The following PTPRD variants were observed in gnomAD, a reference collection of about 807,000 sequenced individuals.
The protein encoded by PTPRD is protein tyrosine phosphatase receptor type D.
PTPRD carries 34 observed loss-of-function variants against 214.5 expected under a neutral mutation model. The observed-to-expected ratio is 0.16, with a 90% CI of 0.12 to 0.21. The LOEUF (loss-of-function observed/expected upper bound fraction) is 0.21. Ranked by LOEUF, PTPRD falls within the 10% of genes least tolerant of loss-of-function variation. The pLI is 1.00. For missense variants in PTPRD, 2,545 were observed against 2,398.7 expected (o/e 1.06, Z -1.27); for synonymous variants, 1,128 against 845.7 (o/e 1.33, Z -5.79).
At chr9:9,262,595 G>T (rs930509399) in intron 9 of PTPRD, among the ~76,000 whole-genome samples, 2 of 150,960 alleles carry the variant, frequency 1.3e-5, no homozygotes, top group African/African-American at 4.9e-5. Flanking sequence ...ATATAAATGA[G>T]TAAAAAAAAA....
intron 3 of PTPRD, among the ~76,000 whole-genome samples, chr9:10,156,800 T>C (rs577726431): frequency 4.6e-5 from 7 of 152,318 alleles, no homozygotes; most frequent in Non-Finnish European, 7.3e-5. Context: ...GAACTTGCTT[T>C]ATGAATCTGA....
intron 9 of PTPRD, among the ~76,000 whole-genome samples, chr9:9,188,910 G>A (rs552548313): frequency 6.6e-6 from 1 of 151,986 alleles, no homozygotes; most frequent in East Asian, 1.9e-4. Flanking sequence ...AAAGTGGAAA[G>A]AGTCTCTTTA....
intron 3 of PTPRD, among the ~76,000 whole-genome samples, chr9:10,315,139 C>G (rs569000955): frequency 2.6e-5 from 4 of 151,808 alleles, no homozygotes; most frequent in Admixed American, 6.6e-5. Flanking sequence ...AATTATGATT[C>G]ATTTTTTATA....
At chr9:9,081,448 C>T (rs1451810812) in intron 10 of PTPRD, among the ~76,000 whole-genome samples, 1 of 151,786 alleles carries the variant, frequency 6.6e-6, no homozygotes, top group Non-Finnish European at 1.5e-5. Flanking sequence ...GTGTGATGCA[C>T]TCCTGAGAAG....
At chr9:8,685,371 A>G (rs978662073) in intron 12 of PTPRD, among the ~76,000 whole-genome samples, 2 of 152,146 alleles carry the variant, frequency 1.3e-5, no homozygotes, top group African/African-American at 4.8e-5. Flanking sequence ...AAAAAAAATC[A>G]TTTTTGAAGG....
chr9:10,310,172 A>G (rs1035836097), intron 3 of PTPRD, among the ~76,000 whole-genome samples: 5 of 152,068 alleles, frequency 3.3e-5, no homozygotes, highest in Non-Finnish European at 5.9e-5. Flanking sequence ...AATAAAATCC[A>G]TGTCCAACTC....
At chr9:10,577,399 G>A (rs1222899361) in intron 2 of PTPRD, among the ~76,000 whole-genome samples, 2 of 152,166 alleles carry the variant, frequency 1.3e-5, no homozygotes, top group East Asian at 3.8e-4. Context: ...ACAGATTGAA[G>A]GCAAATTTCT....
intron 12 of PTPRD, among the ~76,000 whole-genome samples, chr9:8,723,096 C>A (rs373313648): frequency 5.3e-5 from 8 of 152,088 alleles, no homozygotes; most frequent in South Asian, 4.1e-4. Flanking sequence ...CTCTCCTATA[C>A]CTAGCCCAGC....
chr9:9,310,945 A>T (rs981808858), intron 9 of PTPRD, among the ~76,000 whole-genome samples: 3 of 148,584 alleles, frequency 2.0e-5, no homozygotes, highest in Non-Finnish European at 4.4e-5. Flanking sequence ...AAATAAATAA[A>T]TAAATAAATA....
chr9:9,193,197 G>C (rs1403449168), intron 9 of PTPRD, among the ~76,000 whole-genome samples: 2 of 152,028 alleles, frequency 1.3e-5, no homozygotes, highest in Admixed American at 6.6e-5. Context: ...TGCTAAATTA[G>C]AATCCACTGA....
In PTPRD at chr9:10,070,028, A is replaced by G. The variant is rs143932680; in HGVS notation, c.-544-36238T>C. ...CTTGGGGTGAAACCAAGACCTACTGATTCCAAATTTTTGGTGTGAAGCAGG... is the reference window on the plus strand; with the variant it reads ...CTTGGGGTGAAACCAAGACCTACTGGTTCCAAATTTTTGGTGTGAAGCAGG... On this transcript the variant is annotated intron_variant, in intron 3 of 45. Transcript: ENST00000381196. Among the ~76,000 whole-genome samples, 1,169 of 152,140 alleles carry G rather than the reference A, an allele frequency of 7.7e-3. 22 individuals carry two copies. The highest frequency in any genetic ancestry group is 0.026 in the African/African-American group (1,098 of 41,548).
chr9:10,168,616 G>T (rs961493852), intron 3 of PTPRD, among the ~76,000 whole-genome samples: 15 of 152,028 alleles, frequency 9.9e-5, no homozygotes, highest in African/African-American at 3.6e-4. Context: ...ATTTAAAAAA[G>T]AAAGAAAATG....
At chr9:9,859,083 A>G (rs1323794) in intron 5 of PTPRD, among the ~76,000 whole-genome samples, 116,523 of 151,954 alleles carry the variant, frequency 0.77, 46,532 homozygotes, top group East Asian at 0.94. Context: ...TTCTCAAAAA[A>G]GGGCTGATGA....
intron 2 of PTPRD, among the ~76,000 whole-genome samples, chr9:10,561,419 G>C (rs1219405724): frequency 6.6e-6 from 1 of 152,024 alleles, no homozygotes; most frequent in Non-Finnish European, 1.5e-5. Flanking sequence ...TGAATAATTT[G>C]TGTTATTTCT....
intron 2 of PTPRD, among the ~76,000 whole-genome samples, chr9:10,475,201 T>G (rs116038381): frequency 2.6e-5 from 4 of 151,932 alleles, no homozygotes; most frequent in Non-Finnish European, 5.9e-5. Context: ...CAGGAGCGGA[T>G]TTTTTTGAAA....
intron 5 of PTPRD, among the ~76,000 whole-genome samples, chr9:9,769,043 T>A (rs1275714268): frequency 6.6e-6 from 1 of 152,158 alleles, no homozygotes; most frequent in Admixed American, 6.5e-5. Context: ...TATTTACTAT[T>A]TAAGATTGGT....
At chr9:10,526,397 CAT>C (rs1233511948) in intron 2 of PTPRD, among the ~76,000 whole-genome samples, 1 of 151,908 alleles carries the variant, frequency 6.6e-6, no homozygotes. Context: ...TCTAAATAAA[CAT>C]GTTATAATTA....
intron 10 of PTPRD, among the ~76,000 whole-genome samples, chr9:9,139,951 G>T (rs7043302): frequency 0.14 from 21,182 of 151,950 alleles, 2,795 homozygotes; most frequent in African/African-American, 0.34. Flanking sequence ...TCCATGATTT[G>T]CATTCATTAC....
intron 33 of PTPRD, chr9:8,454,737 C>T (rs1223866752): frequency 6.0e-6 from 5 of 837,042 alleles, no homozygotes; most frequent in Non-Finnish European, 9.5e-6. Context: ...TCAGAAGCGA[C>T]AGCGAATCAA....
Sources: allele counts gnomAD v4.1 joint callset (sites outside exome capture counted in the v4.1 genomes callset), GRCh38; gene constraint gnomAD v4.1.1; transcripts MANE v1.5; gene names NCBI Gene and HGNC (gene_info 2026-07-23, HGNC 2026-07-21).